The following RYR1 variants were observed in gnomAD, a reference collection of about 807,000 sequenced individuals.
RYR1 encodes ryanodine receptor 1.
Under a neutral mutation model 583.5 loss-of-function variants are expected in RYR1, and 342 were observed. That is an observed-to-expected ratio of 0.59 (90% CI 0.54 to 0.64). The LOEUF (loss-of-function observed/expected upper bound fraction) is 0.64. Among genes scored for constraint, RYR1 ranks in the 30% least tolerant of loss-of-function variants. RYR1 has a pLI of 0.00. For missense variants in RYR1, 6,032 were observed against 6,917.2 expected (o/e 0.87, Z 4.54); for synonymous variants, 2,791 against 2,822.5 (o/e 0.99, Z 0.35).
Position 38,504,989 on chromosome 19 carries a change from T to C in RYR1, c.8232-14T>C. On this transcript the variant is annotated splice_polypyrimidine_tract_variant and intron_variant, in intron 51 of 105. Coordinates refer to ENST00000359596, the MANE Select transcript of RYR1 (RefSeq NM_000540.3). ...CCCCAGCTCCAACATCTGCTGACCCTGTGCCCCCAACAGTGTGATCATCCC... is the reference window on the plus strand; with the variant it reads ...CCCCAGCTCCAACATCTGCTGACCCCGTGCCCCCAACAGTGTGATCATCCC... The C allele has an allele frequency of 2.5e-6, 4 of 1,614,120 alleles. No individual in the cohort carries two copies. Among genetic ancestry groups the C allele is most frequent in the Non-Finnish European group, 3.4e-6 (4 of 1,179,992 alleles).
At chr19:38,569,211 C>A (rs550449050) in intron 93 of RYR1, among the ~76,000 whole-genome samples, 1 of 152,212 alleles carries the variant, frequency 6.6e-6, no homozygotes, top group East Asian at 1.9e-4. Context: ...GGGGTTTCAC[C>A]GTGTTAGCCA....
chr19:38,557,350 G>A (rs1040168696), intron 89 of RYR1, among the ~76,000 whole-genome samples: 1 of 152,224 alleles, frequency 6.6e-6, no homozygotes, highest in South Asian at 2.1e-4. Flanking sequence ...TGATAGTCCA[G>A]TGGGAAGGGG....
At chr19:38,541,780 A>G (rs1308548067) in intron 84 of RYR1, among the ~76,000 whole-genome samples, 1 of 151,946 alleles carries the variant, frequency 6.6e-6, no homozygotes, top group Non-Finnish European at 1.5e-5. Context: ...CTGCACAAGA[A>G]TATAAACTTC....
intron 83 of RYR1, 119 bp downstream of exon 83, chr19:38,536,886 G>A (rs1971995214): frequency 3.7e-6 from 4 of 1,089,818 alleles, no homozygotes; most frequent in Non-Finnish European, 2.8e-6. Context: ...GGACCCTTCA[G>A]CAGGTGCACC....
intron 76 of RYR1, among the ~76,000 whole-genome samples, chr19:38,529,260 C>T (rs1971625425): frequency 6.6e-6 from 1 of 152,216 alleles, no homozygotes; most frequent in African/African-American, 2.4e-5. Context: ...GGCAGGCAAT[C>T]ACTTGAGCCC....
At chr19:38,549,108 G>A (rs1041792700) in intron 89 of RYR1, among the ~76,000 whole-genome samples, 2 of 152,068 alleles carry the variant, frequency 1.3e-5, no homozygotes, top group South Asian at 4.1e-4. Context: ...ATAGTCTAAT[G>A]GGGGAGGCAG....
rs1225931762 is a variant in RYR1, at chr19:38,468,994, C to G, written c.3410C>G (p.Pro1137Arg). Residue 1137 changes from proline (P) to arginine (R), a missense_variant, in exon 26 of 106, where the codon CCA becomes CGA. Transcript: ENST00000359596. The stretch of plus-strand genomic sequence containing the variant: ...CAGCGCTGGCACTTGGGCAGTGAAC[C>G]ATTTGGGCGCCCCTGGCAGCCGGGC... ...RGQRWHLGSE[P>R]FGRPWQPGDV... 2 of 1,614,142 alleles carry G rather than the reference C, an allele frequency of 1.2e-6. No individual in the cohort carries two copies. The highest frequency in any genetic ancestry group is 2.2e-5 in the East Asian group (1 of 44,878).
chr19:38,530,878 CT>C (rs1421228679), intron 76 of RYR1, among the ~76,000 whole-genome samples: 1 of 152,008 alleles, frequency 6.6e-6, no homozygotes, highest in Non-Finnish European at 1.5e-5. Flanking sequence ...TCTCGGCTCG[CT>C]GCAATCTCCA....
In RYR1 at chr19:38,455,316, G is replaced by C. The variant is rs1030637532; in HGVS notation, c.1522G>C (p.Glu508Gln). ...TAAHFAEFAG[E>Q]EAAESWKEIV... The stretch of plus-strand genomic sequence containing the variant: ...TGCCCACTTTGCTGAGTTTGCAGGG[G>C]AGGAGGCAGCCGAGTCCTGGAAAGA... Residue 508 changes from glutamate to glutamine, a missense_variant, in exon 14 of 106, where the codon GAG becomes CAG. Transcript: ENST00000359596. 1 of 1,614,104 alleles carries C rather than the reference G, an allele frequency of 6.2e-7. No individual in the cohort carries two copies. Among genetic ancestry groups the C allele is most frequent in the African/African-American group, 1.3e-5 (1 of 75,014 alleles).
chr19:38,483,246 AG>A lies in RYR1; in HGVS notation c.4708-39del, dbSNP rs1281158960. On this transcript the variant is annotated intron_variant, in intron 32 of 105. Transcript: ENST00000359596. The surrounding 1 kb of genome is among the most constrained non-coding windows in gnomAD (Gnocchi z 6.3). ...CCCTGGAAGTGGTGTGGTGGGACAG[AG>A]GGGGCTGGCCATCTTGACCCATGTG... 3.2e-6 allele frequency: 5 copies of A among 1,571,692 alleles called. No individual in the cohort carries two copies. The highest frequency in any genetic ancestry group is 4.3e-6 in the Non-Finnish European group (5 of 1,156,960).
chr19:38,469,555 A>G, intron 27 of RYR1, 42 bp downstream of exon 27: 1 of 1,570,886 alleles, frequency 6.4e-7, no homozygotes, highest in South Asian at 1.1e-5. Context: ...CTGCCTCCAA[A>G]GCTCCTTCCT....
intron 57 of RYR1, 99 bp downstream of exon 57, chr19:38,507,051 G>T: frequency 1.3e-6 from 2 of 1,571,570 alleles, no homozygotes; most frequent in East Asian, 2.3e-5. Flanking sequence ...CGAGAGGAAC[G>T]GGGCCTGAGG....
chr19:38,515,015 G>T lies in RYR1; in HGVS notation c.9473-11G>T. On this transcript the variant is annotated splice_polypyrimidine_tract_variant and intron_variant, in intron 63 of 105. Coordinates refer to ENST00000359596, the MANE Select transcript of RYR1 (RefSeq NM_000540.3). ...AGCGCATGCCGCAGCCTCGCCCCCT[G>T]TCTCCCTCAGTGGACGACGTCCAGG... is the stretch of plus-strand genomic sequence containing the variant. 1 of 1,609,814 alleles carries T rather than the reference G, an allele frequency of 6.2e-7. No individual in the cohort carries two copies. The highest frequency in any genetic ancestry group is 8.5e-7 in the Non-Finnish European group (1 of 1,177,082).
chr19:38,473,756 A>G lies in RYR1; in HGVS notation c.4145A>G (p.Lys1382Arg). ...AATGAGAAGGATGCCACCACCGAGA[A>G]GAACAAGAAGAGAGGGTGAGTCGAG... is the stretch of plus-strand genomic sequence containing the variant. ...AENEKDATTE[K>R]NKKRGFLFKA... is the part of the protein sequence containing the mutation. Residue 1382 changes from lysine (K) to arginine (R), a missense_variant, in exon 28 of 106, where the codon AAG becomes AGG. Around this residue, in one of 11 missense-constraint regions of RYR1, gnomAD observed 2,627 missense variants for 2,961.3 expected, o/e 0.89. Transcript: ENST00000359596. 1 of 1,533,362 alleles carries G rather than the reference A, an allele frequency of 6.5e-7. No individual in the cohort carries two copies. Among genetic ancestry groups the G allele is most frequent in the Non-Finnish European group, 8.8e-7 (1 of 1,138,904 alleles). 95.0% of individuals were successfully genotyped at this position (1,533,362 alleles called of 1,614,324 possible).
intron 71 of RYR1, 32 bp from the exon 72 acceptor site, chr19:38,526,961 C>T (rs1485692662): frequency 1.2e-6 from 2 of 1,612,832 alleles, no homozygotes; most frequent in Admixed American, 3.3e-5. Flanking sequence ...ATGGGACCTC[C>T]AGAGTGACCC....
chr19:38,462,137 G>A (rs1035648622), intron 20 of RYR1, among the ~76,000 whole-genome samples: 3 of 152,164 alleles, frequency 2.0e-5, no homozygotes, highest in African/African-American at 7.2e-5. Flanking sequence ...AGGTTTAAAA[G>A]CCTGACAGCA....
At chr19:38,497,300 G>A (rs1001137629) in intron 42 of RYR1, among the ~76,000 whole-genome samples, 4 of 152,188 alleles carry the variant, frequency 2.6e-5, no homozygotes, top group Admixed American at 2.6e-4. Flanking sequence ...CTACGCTTCC[G>A]GGTTGGGGGC....
intron 89 of RYR1, among the ~76,000 whole-genome samples, chr19:38,557,928 C>T (rs4802603): frequency 0.25 from 38,241 of 151,694 alleles, 5,675 homozygotes; most frequent in African/African-American, 0.4. Context: ...TGCAGTGAGC[C>T]GAGATTGCAC....
chr19:38,516,076 C>T lies in RYR1; in HGVS notation c.9555-11C>T. 2 of 1,546,878 alleles carry T rather than the reference C, an allele frequency of 1.3e-6. No homozygotes were observed. The highest frequency in any genetic ancestry group is 1.7e-6 in the Non-Finnish European group (2 of 1,145,086). On this transcript the variant is annotated splice_polypyrimidine_tract_variant and intron_variant, in intron 64 of 105. Transcript: ENST00000359596. Reference sequence around the variant, plus strand: ...GGACACGTGGCAGCTAAACACAGCCCCGTCTTCCAGGCTTCGGCCAGCCCT... The same window carrying T: ...GGACACGTGGCAGCTAAACACAGCCTCGTCTTCCAGGCTTCGGCCAGCCCT...
Sources: gnomAD v4.1 joint callset for allele counts (sites outside exome capture counted in the v4.1 genomes callset) on GRCh38, gnomAD v4.1.1 for gene constraint, gnomAD v4.1.1 regional missense constraint, Gnocchi (gnomAD v3.1) non-coding constraint, MANE v1.5 for transcripts, NCBI Gene and HGNC (gene_info 2026-07-23, HGNC 2026-07-21) for gene names.